Variants in CELF2 observed in about 807,000 individuals in gnomAD.
The protein encoded by CELF2 is CUG triplet repeat RNA-binding protein 2.
A neutral mutation model predicts 62.6 loss-of-function variants in CELF2; 8 were observed. The observed-to-expected ratio is 0.13, with a 90% CI of 0.07 to 0.23. CELF2 has a LOEUF of 0.23. CELF2 is among the 10% of genes least tolerant of loss of function. The probability of loss-of-function intolerance (pLI) is 1.00; values close to 1 mark genes in which losing one functional copy is unlikely to be tolerated. For synonymous variants in CELF2, 258 were observed against 250.0 expected (o/e 1.03, Z -0.30); for missense variants, 333 against 671.0 (o/e 0.50, Z 5.56).
intron 1 of CELF2, among the ~76,000 whole-genome samples, chr10:11,163,913 C>T (rs766888553): frequency 1.3e-5 from 2 of 152,194 alleles, no homozygotes; most frequent in Admixed American, 1.3e-4. Flanking sequence ...ATTTAAAGTG[C>T]TCTGATGGTG....
At chr10:10,697,952 C>A in the CELF2 span, among the ~76,000 whole-genome samples, 1 of 152,114 alleles carries the variant, frequency 6.6e-6, no homozygotes, top group African/African-American at 2.4e-5. Flanking sequence ...GCCACTACTC[C>A]CAGCTAATTT....
At chr10:10,579,750 T>C in the CELF2 span, among the ~76,000 whole-genome samples, 2 of 152,240 alleles carry the variant, frequency 1.3e-5, 1 homozygote, top group African/African-American at 4.8e-5. Flanking sequence ...CTCTAGGAAA[T>C]ATTAACTATC....
the CELF2 span, among the ~76,000 whole-genome samples, chr10:10,626,970 T>G: frequency 1.3e-5 from 2 of 152,178 alleles, no homozygotes; most frequent in African/African-American, 2.4e-5. Flanking sequence ...TAAGGACACA[T>G]TGTCGGAGAA....
the CELF2 span, among the ~76,000 whole-genome samples, chr10:10,655,407 T>G: frequency 8.0e-6 from 1 of 124,444 alleles, no homozygotes; most frequent in East Asian, 2.0e-4. Flanking sequence ...AGATCCCGCA[T>G]CGCCAAGTCA....
chr10:10,821,720 A>G (rs539388301), intron 1 of CELF2, among the ~76,000 whole-genome samples: 40 of 152,258 alleles, frequency 2.6e-4, no homozygotes, highest in African/African-American at 9.6e-4. Flanking sequence ...AGCTCACTGC[A>G]GCCTCAAGCT....
chr10:10,549,256 CA>C, the CELF2 span, among the ~76,000 whole-genome samples: 1 of 152,084 alleles, frequency 6.6e-6, no homozygotes, highest in East Asian at 1.9e-4. Context: ...AGTCTGAGAT[CA>C]AGGTGTCAGT....
At chr10:10,762,115 A>G in the CELF2 span, among the ~76,000 whole-genome samples, 2 of 152,128 alleles carry the variant, frequency 1.3e-5, no homozygotes, top group African/African-American at 4.8e-5. Flanking sequence ...TGGGAGAGAG[A>G]CAGAGAAGAG....
the CELF2 span, among the ~76,000 whole-genome samples, chr10:10,585,822 C>T: frequency 6.6e-6 from 1 of 152,060 alleles, no homozygotes; most frequent in Non-Finnish European, 1.5e-5. Context: ...TTTTCAGTTG[C>T]TGGGTAAATA....
At chr10:11,180,532 G>A (rs371216643) in intron 2 of CELF2, among the ~76,000 whole-genome samples, 69 of 152,294 alleles carry the variant, frequency 4.5e-4, no homozygotes, top group African/African-American at 1.6e-3. Flanking sequence ...ACCCAAGTCC[G>A]GAAACATGAA....
chr10:11,204,913 A>G (rs1216464871), intron 2 of CELF2, among the ~76,000 whole-genome samples: 3 of 152,202 alleles, frequency 2.0e-5, no homozygotes. Flanking sequence ...TTAAACTCGT[A>G]TAGTAGTGAA....
rs7076008 is a variant in CELF2, at chr10:11,306,998, T to C, written c.977-7141T>C. Among the ~76,000 whole-genome samples, 104,575 of 151,594 alleles carry C rather than the reference T, an allele frequency of 0.69. 36,348 individuals are homozygous for C. Among genetic ancestry groups the C allele is most frequent in the East Asian group, 0.83 (4,279 of 5,140 alleles). On this transcript the variant is annotated intron_variant, in intron 9 of 12. Coordinates refer to ENST00000633077, the MANE Select transcript of CELF2 (RefSeq NM_001326342.2). This position sits in a 1 kb window ranked among gnomAD's most constrained non-coding sequence, Gnocchi z 4.4. ...CTGCCCCATGCTCATAGGCTGTGCG[T>C]GTATCTGTGCCTAAGGAGTTCTCTG...
chr10:10,535,204 G>C, the CELF2 span, among the ~76,000 whole-genome samples: 2 of 152,194 alleles, frequency 1.3e-5, no homozygotes, highest in African/African-American at 2.4e-5. Flanking sequence ...GACTGGGAGA[G>C]GAGAGAGTGT....
chr10:10,964,061 G>A (rs1160206725), intron 2 of CELF2, among the ~76,000 whole-genome samples: 1 of 152,156 alleles, frequency 6.6e-6, no homozygotes, highest in Non-Finnish European at 1.5e-5. Flanking sequence ...TATTATATTA[G>A]TACAATATTA....
intron 2 of CELF2, among the ~76,000 whole-genome samples, chr10:10,960,751 G>A (rs2049406923): frequency 6.6e-6 from 1 of 152,224 alleles, no homozygotes; most frequent in Admixed American, 6.5e-5. Flanking sequence ...TGGTTGTTTA[G>A]CTCAAGGCAG....
At chr10:10,777,213 C>T in the CELF2 span, among the ~76,000 whole-genome samples, 7 of 152,296 alleles carry the variant, frequency 4.6e-5, no homozygotes, top group Non-Finnish European at 7.3e-5. Flanking sequence ...AGATACACCT[C>T]GCTCGATTGA....
intron 1 of CELF2, among the ~76,000 whole-genome samples, chr10:10,911,520 C>A (rs544991612): frequency 6.6e-6 from 1 of 152,314 alleles, no homozygotes; most frequent in East Asian, 1.9e-4. Flanking sequence ...TGCAGGCCTG[C>A]CTCCTATCAG....
chr10:11,270,046 C>T lies in CELF2; in HGVS notation c.619-620C>T, dbSNP rs1038671205. On this transcript the variant is annotated intron_variant, in intron 6 of 12. Coordinates refer to ENST00000633077, the MANE Select transcript of CELF2 (RefSeq NM_001326342.2). This position sits in a 1 kb window ranked among gnomAD's most constrained non-coding sequence, Gnocchi z 5.8. Reference sequence around the variant, plus strand: ...CTGAGGGAAGAGGCCTCTCTGAAAACGTGAACGGTTACTTTGGAGAATGCC... The same window carrying T: ...CTGAGGGAAGAGGCCTCTCTGAAAATGTGAACGGTTACTTTGGAGAATGCC... 5.3e-5 allele frequency among the ~76,000 whole-genome samples: 8 copies of T among 152,158 alleles called. No homozygotes were observed. Among genetic ancestry groups the T allele is most frequent in the Admixed American group, 3.3e-4 (5 of 15,278 alleles).
chr10:11,218,255 T>C (rs950834885), intron 3 of CELF2, among the ~76,000 whole-genome samples: 3 of 152,218 alleles, frequency 2.0e-5, no homozygotes, highest in Non-Finnish European at 2.9e-5. Flanking sequence ...CATAATGACA[T>C]GCATTTGTTA....
chr10:11,007,299 T>C (rs77087455), intron 1 of CELF2, among the ~76,000 whole-genome samples: 3,221 of 152,352 alleles, frequency 0.021, 103 homozygotes, highest in African/African-American at 0.073. Context: ...AAACAAGATG[T>C]ATTACTTAGG....
Sources: allele counts gnomAD v4.1 joint callset (sites outside exome capture counted in the v4.1 genomes callset), GRCh38; gene constraint gnomAD v4.1.1; non-coding constraint Gnocchi (gnomAD v3.1); transcripts MANE v1.5; gene names NCBI Gene and HGNC (gene_info 2026-07-23, HGNC 2026-07-21).